LRRC28: variants seen among roughly 807,000 people sequenced by gnomAD.
LRRC28 encodes the protein leucine-rich repeat-containing protein 28.
LRRC28 carries 39 observed loss-of-function variants against 45.7 expected under a neutral mutation model. That is an observed-to-expected ratio of 0.85 (90% CI 0.66 to 1.12). The LOEUF is 1.12. Among genes scored for constraint, LRRC28 ranks in the 50% most tolerant of loss-of-function variants. The pLI, the probability that LRRC28 is intolerant of heterozygous loss-of-function variation, is 0.00. For missense variants in LRRC28, 435 were observed against 438.5 expected, an observed-to-expected ratio of 0.99 and a Z score of 0.07; for synonymous variants, 206 against 178.8, an observed-to-expected ratio of 1.15 and a Z score of -1.22.
At chr15:99,341,292 G>A (rs750067928) in intron 6 of LRRC28, among the ~76,000 whole-genome samples, 4 of 151,946 alleles carry the variant, frequency 2.6e-5, no homozygotes, top group South Asian at 4.2e-4. Context: ...GGATTTCACC[G>A]TGTTGGCCAG....
chr15:99,351,060 A>G (rs1157385867), intron 6 of LRRC28, among the ~76,000 whole-genome samples: 16 of 152,004 alleles, frequency 1.1e-4, no homozygotes, highest in Non-Finnish European at 1.5e-5. Context: ...TTGGCCTCCC[A>G]AGGTACTGGG....
chr15:99,363,136 C>A lies in LRRC28; in HGVS notation c.902C>A (p.Pro301His), dbSNP rs1157259454. ...AACTTTCTGTCTCCAATCTCATTACCCAGAAGTCTCCTAGAGCTGCTGCAC... is the reference window on the plus strand; with the variant it reads ...AACTTTCTGTCTCCAATCTCATTACACAGAAGTCTCCTAGAGCTGCTGCAC... ...DLNFLSPISL[P>H]RSLLELLHCP... The change falls in exon 9 of 10, where the codon CCC (proline) becomes CAC (histidine). Residue 301 changes from proline (P) to histidine (H), a missense_variant. Pro to His is a moderately conservative substitution (Grantham distance 77, BLOSUM62 -2). Transcript: ENST00000301981. 6.2e-7 allele frequency: 1 copy of A among 1,612,888 alleles called. No individual in the cohort carries two copies. Among genetic ancestry groups the A allele is most frequent in the South Asian group, 1.1e-5 (1 of 90,928 alleles).
intron 5 of LRRC28, among the ~76,000 whole-genome samples, chr15:99,313,900 G>A (rs977157753): frequency 3.3e-5 from 5 of 152,070 alleles, no homozygotes; most frequent in East Asian, 1.9e-4. Flanking sequence ...TTGTAGACTG[G>A]GCTGGGGGTA....
chr15:99,354,651 A>G (rs566625948), intron 7 of LRRC28, among the ~76,000 whole-genome samples: 2 of 152,360 alleles, frequency 1.3e-5, no homozygotes, highest in East Asian at 3.9e-4. Flanking sequence ...GTGATGAGCT[A>G]AGCGATGCAG....
chr15:99,259,852 T>C (rs878924682), intron 2 of LRRC28: 28 of 814,768 alleles, frequency 3.4e-5, no homozygotes, highest in South Asian at 3.2e-4. Flanking sequence ...AAGAATGCCT[T>C]GCCTCAGTTT....
chr15:99,311,759 C>T (rs1191820004), intron 5 of LRRC28, among the ~76,000 whole-genome samples: 4 of 152,156 alleles, frequency 2.6e-5, no homozygotes, highest in Non-Finnish European at 5.9e-5. Flanking sequence ...CCATCTGGCC[C>T]TTTACTGAAA....
intron 7 of LRRC28, chr15:99,353,541 G>A (rs1434283997): frequency 6.6e-6 from 1 of 152,170 alleles, no homozygotes; most frequent in Non-Finnish European, 1.5e-5. Context: ...AAAGATAATA[G>A]AATAGGTGTT....
chr15:99,358,455 TTGAA>T (rs1957107251), intron 7 of LRRC28, among the ~76,000 whole-genome samples: 2 of 152,210 alleles, frequency 1.3e-5, no homozygotes, highest in South Asian at 2.1e-4. Flanking sequence ...AAAGTTCAAA[TTGAA>T]TGATAACTGA....
At chr15:99,299,911 G>A (rs867535467) in intron 5 of LRRC28, among the ~76,000 whole-genome samples, 24 of 152,286 alleles carry the variant, frequency 1.6e-4, no homozygotes, top group Middle Eastern at 3.4e-3. Flanking sequence ...CAAAAAATGA[G>A]TATCTTTATA....
At chr15:99,380,952 G>C (rs1169294871) in intron 9 of LRRC28, among the ~76,000 whole-genome samples, 1 of 152,134 alleles carries the variant, frequency 6.6e-6, no homozygotes, top group Admixed American at 6.6e-5. Flanking sequence ...TTTCTATCTG[G>C]CTGCCCTTAA....
chr15:99,259,151 C>T, intron 2 of LRRC28: 1 of 1,305,154 alleles, frequency 7.7e-7, no homozygotes, highest in Non-Finnish European at 1.1e-6. Context: ...TCTTAGGTTC[C>T]AGTCTTCTCA....
intron 6 of LRRC28, among the ~76,000 whole-genome samples, chr15:99,335,409 T>C (rs181745058): frequency 2.6e-5 from 4 of 152,364 alleles, no homozygotes; most frequent in African/African-American, 9.6e-5. Flanking sequence ...TGATAGTTTA[T>C]GTATAAGAAT....
rs2081832568 is a variant in LRRC28 at position 99,282,509 on chromosome 15, CT to C, written c.210-4747del. ...ATGGTGGTCTCATAAGATTATAATACTGTGTTTTTACTGTACCTTTTCTATG... is the reference window on the plus strand; with the variant it reads ...ATGGTGGTCTCATAAGATTATAATACGTGTTTTTACTGTACCTTTTCTATG... On this transcript the variant is annotated intron_variant, in intron 3 of 9. Coordinates refer to ENST00000301981, the MANE Select transcript of LRRC28 (RefSeq NM_144598.5). 2.0e-5 allele frequency among the ~76,000 whole-genome samples: 3 copies of C among 152,128 alleles called. No homozygotes were observed. In the East Asian group the frequency reaches 5.8e-4, roughly 29 times the overall value.
intron 5 of LRRC28, among the ~76,000 whole-genome samples, chr15:99,326,307 T>C (rs1324447867): frequency 3.3e-5 from 5 of 152,220 alleles, no homozygotes; most frequent in African/African-American, 1.2e-4. Flanking sequence ...GGTCCAGATA[T>C]CATTTTACAG....
intron 3 of LRRC28, among the ~76,000 whole-genome samples, chr15:99,280,797 T>G (rs2081764783): frequency 6.6e-6 from 1 of 152,166 alleles, no homozygotes; most frequent in Non-Finnish European, 1.5e-5. Flanking sequence ...AGATATTTAT[T>G]TATATACCCT....
rs564038107 is a variant in LRRC28, at chr15:99,390,390, T to C, written c.*4288T>C. On this transcript the variant is annotated 3_prime_UTR_variant, in exon 10 of 10. Coordinates refer to ENST00000301981, the MANE Select transcript of LRRC28 (RefSeq NM_144598.5). ...GTAGCATTCGGAGATTATTTCTGTATGTAATTAAGAGACTTTCAAGGGTTA... is the reference window on the plus strand; with the variant it reads ...GTAGCATTCGGAGATTATTTCTGTACGTAATTAAGAGACTTTCAAGGGTTA... 7 of 149,456 alleles carry C rather than the reference T, an allele frequency of 4.7e-5. No individual in the cohort carries two copies. Among genetic ancestry groups the C allele is most frequent in the Admixed American group, 1.3e-4 (2 of 15,124 alleles). 9.3% of individuals were successfully genotyped at this position (149,456 alleles called of 1,614,324 possible). A position where few individuals can be genotyped will look rare whatever the true frequency, so the allele number is the denominator to read the frequency against.
chr15:99,265,255 A>T (rs1025003224), intron 2 of LRRC28, among the ~76,000 whole-genome samples: 1 of 152,198 alleles, frequency 6.6e-6, no homozygotes, highest in African/African-American at 2.4e-5. Context: ...GGTTTTTGCC[A>T]GGTGGATGCA....
intron 6 of LRRC28, among the ~76,000 whole-genome samples, chr15:99,337,463 A>G (rs770132218): frequency 2.6e-5 from 4 of 152,202 alleles, no homozygotes; most frequent in Non-Finnish European, 5.9e-5. Flanking sequence ...TTACTAGGGC[A>G]TTTTCTGCAT....
chr15:99,262,117 AATCATACATATTTCTCTGGAAG>A (rs2081214280), intron 2 of LRRC28, among the ~76,000 whole-genome samples: 2 of 152,170 alleles, frequency 1.3e-5, no homozygotes, highest in South Asian at 4.1e-4. Context: ...AATAACAAAA[AATCATACATATTTCTCTGGAAG>A]TCTCTTTTTT....
Sources: gnomAD v4.1 joint callset for allele counts (sites outside exome capture counted in the v4.1 genomes callset) on GRCh38, gnomAD v4.1.1 for gene constraint, MANE v1.5 for transcripts, NCBI Gene and HGNC (gene_info 2026-07-23, HGNC 2026-07-21) for gene names.